TMEM218: variants seen among roughly 807,000 people sequenced by gnomAD.
TMEM218 encodes the protein transmembrane protein 218.
A neutral mutation model predicts 10.0 loss-of-function variants in TMEM218; 8 were observed. The ratio of observed to expected loss-of-function variants is 0.80; its 90% CI spans 0.47 to 1.44. TMEM218 has a LOEUF of 1.44. Among genes scored for constraint, TMEM218 ranks in the 40% most tolerant of loss-of-function variants. The probability of loss-of-function intolerance (pLI) is 0.00; values close to 1 mark genes in which losing one functional copy is unlikely to be tolerated. For missense variants in TMEM218, 110 were observed against 140.1 expected (o/e 0.79, Z 1.08); for synonymous variants, 66 against 63.5 (o/e 1.04, Z -0.18).
At chr11:125,109,844 CAGTT>C (rs1953300638) in intron 1 of TMEM218, among the ~76,000 whole-genome samples, 2 of 152,220 alleles carry the variant, frequency 1.3e-5, no homozygotes, top group Non-Finnish European at 2.9e-5. Flanking sequence ...CCAACTCTAA[CAGTT>C]AGAATAGAGG....
intron 1 of TMEM218, among the ~76,000 whole-genome samples, chr11:125,105,295 A>G (rs1307681562): frequency 6.6e-6 from 1 of 152,202 alleles, no homozygotes; most frequent in Non-Finnish European, 1.5e-5. Context: ...GTGAGAACCC[A>G]TTGGATCCCA....
chr11:125,104,195 G>A (rs935334992), intron 1 of TMEM218: 3 of 152,258 alleles, frequency 2.0e-5, no homozygotes, highest in Non-Finnish European at 2.9e-5. Context: ...ACAGAGTGAG[G>A]GGAGATGGGA....
chr11:125,107,195 T>C (rs1022236713), intron 1 of TMEM218, among the ~76,000 whole-genome samples: 5 of 152,170 alleles, frequency 3.3e-5, no homozygotes, highest in African/African-American at 4.8e-5. Context: ...TTGTGAAACA[T>C]AGTGACTGTA....
At position 125,102,822 on chromosome 11, in the gene TMEM218, G is replaced by A; in HGVS notation, c.-152-13C>T. ...AAAACTCCCAGTCCTTAAAGAAGAG[G>A]AACAGCCATCACTATTTTTGAACAT... On this transcript the variant is annotated splice_polypyrimidine_tract_variant and intron_variant, in intron 1 of 4. Transcript: ENST00000682305. The A allele has an allele frequency of 1.4e-6, 1 of 723,670 alleles. No individual in the cohort carries two copies. The highest frequency in any genetic ancestry group is 2.0e-6 in the Non-Finnish European group (1 of 506,570). 44.8% of individuals were successfully genotyped at this position (723,670 alleles called of 1,614,324 possible). A position where few individuals can be genotyped will look rare whatever the true frequency, so the allele number is the denominator to read the frequency against.
chr11:125,110,561 A>G (rs1953577391), intron 1 of TMEM218: 1 of 152,218 alleles, frequency 6.6e-6, no homozygotes. Context: ...TAATGGATTA[A>G]AAATACGGTA....
Position 125,097,543 on chromosome 11 carries a change from T to G in TMEM218, c.*63A>C. 1 of 1,586,060 alleles carries G rather than the reference T, an allele frequency of 6.3e-7. No individual in the cohort carries two copies. The highest frequency in any genetic ancestry group is 8.6e-7 in the Non-Finnish European group (1 of 1,160,878). Reference sequence around the variant, plus strand: ...TCAAAACAAGGCTCTGAATAGTGCCTTCCTGCTCATCAATGTCATCACAAT... The same window carrying G: ...TCAAAACAAGGCTCTGAATAGTGCCGTCCTGCTCATCAATGTCATCACAAT... On this transcript the variant is annotated 3_prime_UTR_variant, in exon 5 of 5. Coordinates refer to ENST00000682305, the MANE Select transcript of TMEM218 (RefSeq NM_001258244.2).
chr11:125,102,291 G>A lies in TMEM218; in HGVS notation c.-50C>T. 1 of 1,590,108 alleles carries A rather than the reference G, an allele frequency of 6.3e-7. No homozygotes were observed. Among genetic ancestry groups the A allele is most frequent in the African/African-American group, 1.3e-5 (1 of 74,444 alleles). ...CCCGCCCTGCGCGCCGCACGATCGA[G>A]TGTCCTCTGTGCTCCAGTGCAACAC... On this transcript the variant is annotated 5_prime_UTR_variant, in exon 3 of 5. Transcript: ENST00000682305.
intron 4 of TMEM218, among the ~76,000 whole-genome samples, chr11:125,098,920 T>A (rs899972583): frequency 1.3e-5 from 2 of 152,114 alleles, no homozygotes; most frequent in Admixed American, 1.3e-4. Flanking sequence ...ACGAGCAGCC[T>A]CTAGAAGCTG....
intron 4 of TMEM218, among the ~76,000 whole-genome samples, chr11:125,099,250 A>G (rs2135699479): frequency 6.6e-6 from 1 of 152,304 alleles, no homozygotes; most frequent in East Asian, 1.9e-4. Context: ...CAGCTTTAAC[A>G]TAACTTTGAC....
intron 4 of TMEM218, among the ~76,000 whole-genome samples, chr11:125,098,435 T>C (rs1950036996): frequency 2.0e-5 from 3 of 152,210 alleles, no homozygotes; most frequent in Admixed American, 2.0e-4. Flanking sequence ...ACTTGTCCAC[T>C]GACCCCTTCC....
intron 1 of TMEM218, among the ~76,000 whole-genome samples, chr11:125,105,537 G>T (rs995081346): frequency 1.3e-5 from 2 of 152,148 alleles, no homozygotes. Context: ...TGACAGTAAA[G>T]ATTTCTGTAA....
rs925332371 is a variant in TMEM218, at chr11:125,097,536, T to C, written c.*70A>G. 4 of 1,552,916 alleles carry C rather than the reference T, an allele frequency of 2.6e-6. No homozygotes were observed. The highest frequency in any genetic ancestry group is 3.5e-6 in the Non-Finnish European group (4 of 1,135,468). On this transcript the variant is annotated 3_prime_UTR_variant, in exon 5 of 5. Transcript: ENST00000682305. ...AGGGCTGTCAAAACAAGGCTCTGAA[T>C]AGTGCCTTCCTGCTCATCAATGTCA...
intron 3 of TMEM218, chr11:125,101,770 C>CA: frequency 2.1e-6 from 1 of 484,032 alleles, no homozygotes; most frequent in Non-Finnish European, 3.6e-6. Context: ...CCCAACTCAT[C>CA]AAATGTTGCT....
chr11:125,101,525 A>C, intron 3 of TMEM218: 2 of 1,504,934 alleles, frequency 1.3e-6, no homozygotes, highest in Non-Finnish European at 1.8e-6. Context: ...CCAATTCCTA[A>C]GAATGGAAAT....
intron 3 of TMEM218, chr11:125,101,695 GTGTTTTCAGAGTCGGTT>G: frequency 1.8e-6 from 1 of 553,496 alleles, no homozygotes; most frequent in Non-Finnish European, 3.1e-6. Context: ...TGCAACTCTA[GTGTTTTCAGAGTCGGTT>G]TATGGCCTAA....
chr11:125,106,358 G>A (rs1439818373), intron 1 of TMEM218, among the ~76,000 whole-genome samples: 1 of 151,778 alleles, frequency 6.6e-6, no homozygotes, highest in Admixed American at 6.6e-5. Flanking sequence ...GTGACAAAAG[G>A]AACCATTCAG....
chr11:125,101,696 T>G (rs1209017370), intron 3 of TMEM218: 1 of 554,086 alleles, frequency 1.8e-6, no homozygotes, highest in Non-Finnish European at 3.1e-6. Flanking sequence ...GCAACTCTAG[T>G]GTTTTCAGAG....
At chr11:125,111,278 G>A (rs1174557931) in intron 1 of TMEM218, among the ~76,000 whole-genome samples, 1 of 152,198 alleles carries the variant, frequency 6.6e-6, no homozygotes, top group Non-Finnish European at 1.5e-5. Flanking sequence ...CCACCTCCCA[G>A]GAGCTAGAGA....
At chr11:125,107,981 T>TA (rs1176856933) in intron 1 of TMEM218, among the ~76,000 whole-genome samples, 4 of 151,490 alleles carry the variant, frequency 2.6e-5, no homozygotes, top group Non-Finnish European at 2.9e-5. Flanking sequence ...ATGGTTCAAT[T>TA]AAAAAAATCT....
Sources: gnomAD v4.1 joint callset for allele counts (sites outside exome capture counted in the v4.1 genomes callset) on GRCh38, gnomAD v4.1.1 for gene constraint, MANE v1.5 for transcripts, NCBI Gene and HGNC (gene_info 2026-07-23, HGNC 2026-07-21) for gene names.